FER: variants seen among roughly 807,000 people sequenced by gnomAD.
FER encodes the protein tyrosine-protein kinase Fer.
In FER, 63 loss-of-function variants were observed where a neutral mutation model predicts 111.0. The observed-to-expected ratio is 0.57, with a 90% CI of 0.46 to 0.70. The LOEUF (loss-of-function observed/expected upper bound fraction) is 0.70, where lower values mean the gene tolerates loss of function less well. FER is among the 30% of genes least tolerant of loss of function. FER has a pLI of 0.00. For synonymous variants in FER, 327 were observed against 313.9 expected (o/e 1.04, Z -0.44); for missense variants, 914 against 954.0 (o/e 0.96, Z 0.55).
intron 17 of FER, among the ~76,000 whole-genome samples, chr5:109,137,372 A>G (rs891154762): frequency 6.6e-6 from 1 of 152,210 alleles, no homozygotes; most frequent in Non-Finnish European, 1.5e-5. Context: ...CTAAAGCTGT[A>G]TAGTTCTGCC....
At chr5:108,957,769 A>G (rs1184396571) in intron 12 of FER, among the ~76,000 whole-genome samples, 1 of 151,576 alleles carries the variant, frequency 6.6e-6, no homozygotes, top group Non-Finnish European at 1.5e-5. Flanking sequence ...CATGTACCAT[A>G]TACTGGGTAA....
chr5:108,893,915 T>A (rs1321763973), intron 9 of FER, among the ~76,000 whole-genome samples: 1 of 151,782 alleles, frequency 6.6e-6, no homozygotes, highest in Non-Finnish European at 1.5e-5. Context: ...TAGTCTGTTT[T>A]CACACTGCTA....
At chr5:109,120,959 T>C (rs922917217) in intron 17 of FER, among the ~76,000 whole-genome samples, 1 of 151,950 alleles carries the variant, frequency 6.6e-6, no homozygotes, top group Non-Finnish European at 1.5e-5. Context: ...CCCATAACTT[T>C]ACTGAATGTA....
intron 17 of FER, 62 bp from the exon 18 acceptor site, chr5:109,180,685 A>G (rs1219636528): frequency 1.4e-5 from 21 of 1,518,946 alleles, no homozygotes; most frequent in Non-Finnish European, 1.7e-5. Context: ...TGGAAATCAT[A>G]AATGTGAAAG....
intron 10 of FER, among the ~76,000 whole-genome samples, chr5:108,918,309 G>T (rs1024573209): frequency 6.6e-6 from 1 of 152,078 alleles, no homozygotes; most frequent in Non-Finnish European, 1.5e-5. Context: ...TAAAGCTAAT[G>T]TAGGAAGGAG....
intron 17 of FER, among the ~76,000 whole-genome samples, chr5:109,123,081 G>A (rs139638754): frequency 5.0e-4 from 75 of 151,228 alleles, no homozygotes; most frequent in African/African-American, 1.8e-3. Flanking sequence ...TTATTGTTAA[G>A]TAAGGACTTA....
In FER at chr5:109,187,429, T is replaced by G. The variant is rs1441783939; in HGVS notation, c.2327-4T>G. On this transcript the variant is annotated splice_polypyrimidine_tract_variant and splice_region_variant and intron_variant, in intron 19 of 19. Coordinates refer to ENST00000281092, the MANE Select transcript of FER (RefSeq NM_005246.4). ...ATTCTGTTCTCCTTCTCTTGGGTCTTCAGGATACCGGATGTCAGCTCCCCA... is the reference window on the plus strand; with the variant it reads ...ATTCTGTTCTCCTTCTCTTGGGTCTGCAGGATACCGGATGTCAGCTCCCCA... 2 of 1,612,738 alleles carry G rather than the reference T, an allele frequency of 1.2e-6. No individual in the cohort carries two copies. Among genetic ancestry groups the G allele is most frequent in the South Asian group, 2.2e-5 (2 of 90,826 alleles).
rs182030052 is a variant in FER, at chr5:108,938,930, G to A, written c.1237-7200G>A. 4.6e-3 allele frequency among the ~76,000 whole-genome samples: 701 copies of A among 152,064 alleles called. 2 individuals carry two copies. The highest frequency in any genetic ancestry group is 0.016 in the African/African-American group (669 of 41,500). ...GACAGCACCTTCTGAGGTGTATTTT[G>A]CAGAATATTTTCTCTCCCAAAAGAT... On this transcript the variant is annotated intron_variant, in intron 10 of 19. Transcript: ENST00000281092.
At chr5:109,015,502 G>C (rs963390538) in intron 13 of FER, among the ~76,000 whole-genome samples, 1 of 151,730 alleles carries the variant, frequency 6.6e-6, no homozygotes, top group East Asian at 1.9e-4. Flanking sequence ...ATACACTCTG[G>C]AGCTATACTG....
chr5:108,985,256 T>C (rs2149731809), intron 13 of FER, among the ~76,000 whole-genome samples: 1 of 152,298 alleles, frequency 6.6e-6, no homozygotes, highest in East Asian at 1.9e-4. Context: ...GAATAGATTT[T>C]ATTTTTTGAA....
intron 5 of FER, among the ~76,000 whole-genome samples, chr5:108,845,065 TATAC>T (rs1158750675): frequency 6.4e-4 from 40 of 62,690 alleles, no homozygotes; most frequent in South Asian, 2.2e-3. Flanking sequence ...TATATATATA[TATAC>T]ACACACACAC....
chr5:108,787,518 G>A (rs796145288), intron 2 of FER, among the ~76,000 whole-genome samples: 6 of 152,314 alleles, frequency 3.9e-5, no homozygotes, highest in African/African-American at 9.6e-5. Context: ...GGTGAAGTCC[G>A]TGGCCCAGAG....
chr5:109,038,009 C>T (rs1770639823), intron 14 of FER, among the ~76,000 whole-genome samples: 2 of 151,726 alleles, frequency 1.3e-5, no homozygotes. Context: ...ATAACTAGTT[C>T]TATTAATCAG....
At chr5:108,992,863 G>T (rs1581550409) in intron 13 of FER, among the ~76,000 whole-genome samples, 2 of 151,138 alleles carry the variant, frequency 1.3e-5, no homozygotes, top group South Asian at 2.1e-4. Context: ...CCCAGACGGG[G>T]TCGCGGCCAG....
intron 17 of FER, among the ~76,000 whole-genome samples, chr5:109,122,842 T>C (rs532452798): frequency 1.3e-5 from 2 of 152,292 alleles, no homozygotes; most frequent in South Asian, 2.1e-4. Flanking sequence ...CTTTTTTAGT[T>C]TTTGTCTTGA....
At chr5:108,779,239 A>G (rs1753795257) in intron 2 of FER, among the ~76,000 whole-genome samples, 1 of 152,148 alleles carries the variant, frequency 6.6e-6, no homozygotes, top group Admixed American at 6.5e-5. Context: ...ACTGGGCAGT[A>G]TCAGTCTTCC....
chr5:109,009,024 G>A (rs1395631181), intron 13 of FER, among the ~76,000 whole-genome samples: 1 of 148,318 alleles, frequency 6.7e-6, no homozygotes, highest in East Asian at 2.0e-4. Flanking sequence ...CATTTCACTA[G>A]TCTAGTCTTC....
intron 10 of FER, among the ~76,000 whole-genome samples, chr5:108,925,432 A>G (rs1477853199): frequency 1.3e-5 from 2 of 151,996 alleles, no homozygotes; most frequent in Non-Finnish European, 2.9e-5. Context: ...CTAATTCCTT[A>G]CTCTTTTAAT....
At chr5:108,809,203 T>C (rs1757498166) in intron 3 of FER, among the ~76,000 whole-genome samples, 1 of 152,234 alleles carries the variant, frequency 6.6e-6, no homozygotes, top group Non-Finnish European at 1.5e-5. Context: ...TTGTTTACTT[T>C]TTCTCCTTCT....
Sources: allele counts gnomAD v4.1 joint callset (sites outside exome capture counted in the v4.1 genomes callset), GRCh38; gene constraint gnomAD v4.1.1; transcripts MANE v1.5; gene names NCBI Gene and HGNC (gene_info 2026-07-23, HGNC 2026-07-21).